The following FXYD6 variants were observed in gnomAD, a reference collection of about 807,000 sequenced individuals.
FXYD6 encodes the protein FXYD domain-containing ion transport regulator 6.
FXYD6 carries 7 observed loss-of-function variants against 16.7 expected under a neutral mutation model. The ratio of observed to expected loss-of-function variants is 0.42; its 90% CI spans 0.24 to 0.79. FXYD6 has a LOEUF of 0.79. FXYD6 is among the 30% of genes least tolerant of loss of function. The probability of loss-of-function intolerance (pLI) is 0.28; values close to 1 mark genes in which losing one functional copy is unlikely to be tolerated. For synonymous variants in FXYD6, 49 were observed against 43.0 expected, an observed-to-expected ratio of 1.14 and a Z score of -0.54; for missense variants, 111 against 116.2, an observed-to-expected ratio of 0.95 and a Z score of 0.21.
intron 1 of FXYD6, among the ~76,000 whole-genome samples, chr11:117,864,679 G>T (rs1013480544): frequency 1.3e-5 from 2 of 151,948 alleles, no homozygotes; most frequent in African/African-American, 4.8e-5. Flanking sequence ...CTCCACCTCC[G>T]GGGTTCAAGC....
chr11:117,859,145 T>C (rs1381199178), intron 1 of FXYD6, among the ~76,000 whole-genome samples: 1 of 152,170 alleles, frequency 6.6e-6, no homozygotes, highest in East Asian at 1.9e-4. Flanking sequence ...GGCTATGAGA[T>C]ACATCTCCTG....
Position 117,872,035 on chromosome 11 carries a change from T to C in FXYD6, c.-6+4557A>G, listed in dbSNP as rs983990699. Among the ~76,000 whole-genome samples, 5 of 152,002 alleles carry C rather than the reference T, an allele frequency of 3.3e-5. No homozygotes were observed. The highest frequency in any genetic ancestry group is 5.9e-5 in the Non-Finnish European group (4 of 68,004). ...CTGGAGTGCCTACACCATGTACCTG[T>C]GCTTATTAATAGGCACTGGTGAGCC... On this transcript the variant is annotated intron_variant, in intron 1 of 7. Transcript: ENST00000526014. The surrounding 1 kb of genome is among the most constrained non-coding windows in gnomAD (Gnocchi z 4.9).
Position 117,842,761 on chromosome 11 carries a change from C to T in FXYD6, c.16G>A (p.Val6Ile), listed in dbSNP as rs754510869. 1.9e-6 allele frequency: 3 copies of T among 1,568,164 alleles called. No individual in the cohort carries two copies. The highest frequency in any genetic ancestry group is 8.7e-7 in the Non-Finnish European group (1 of 1,155,962). MELVL[V>I]FLCSLLAPMV... ...GGGGCCAGCAGGCTGCAGAGGAAGACCAGCACCAACTCCATGGCGTCTGGG... is the reference window on the plus strand; with the variant it reads ...GGGGCCAGCAGGCTGCAGAGGAAGATCAGCACCAACTCCATGGCGTCTGGG... The change falls in exon 2 of 8, where the codon GTC (valine) becomes ATC (isoleucine). Residue 6 changes from valine (V) to isoleucine (I), a missense_variant. Val to Ile is a conservative substitution (Grantham distance 29). Transcript: ENST00000526014.
intron 1 of FXYD6, among the ~76,000 whole-genome samples, chr11:117,858,674 TC>T (rs2056807975): frequency 1.1e-5 from 1 of 87,016 alleles, no homozygotes; most frequent in African/African-American, 5.2e-5. Flanking sequence ...TTTCTTTCTT[TC>T]TTTCTTTCTT....
At chr11:117,840,256 G>A (rs562662705) in intron 6 of FXYD6, 63 bp downstream of exon 6, 2 of 1,609,068 alleles carry the variant, frequency 1.2e-6, no homozygotes, top group African/African-American at 1.3e-5. Flanking sequence ...GTCCCTTCCT[G>A]AGCCACAGAG....
chr11:117,858,766 TTCCTTCCTTCC>T (rs879652160), intron 1 of FXYD6, among the ~76,000 whole-genome samples: 3,599 of 139,430 alleles, frequency 0.026, 345 homozygotes, highest in East Asian at 0.039. Context: ...CCTTCCTTCC[TTCCTTCCTTCC>T]TTCTTTCTTT....
At chr11:117,875,380 C>T (rs1249244277) in intron 1 of FXYD6, among the ~76,000 whole-genome samples, 9 of 151,834 alleles carry the variant, frequency 5.9e-5, no homozygotes, top group Admixed American at 5.9e-4. Context: ...ATATCTAGGT[C>T]TCCTAGCCAG....
At chr11:117,875,797 C>G (rs764084021) in intron 1 of FXYD6, among the ~76,000 whole-genome samples, 34 of 152,186 alleles carry the variant, frequency 2.2e-4, no homozygotes, top group Non-Finnish European at 3.7e-4. Flanking sequence ...AGGCTGCTCC[C>G]AGCTCCCACC....
chr11:117,862,638 G>A (rs924554734), intron 1 of FXYD6, among the ~76,000 whole-genome samples: 2 of 152,164 alleles, frequency 1.3e-5, no homozygotes, highest in African/African-American at 4.8e-5. Context: ...CTTCACCAAG[G>A]TCATTCAAGG....
chr11:117,847,799 A>G (rs772576547), intron 1 of FXYD6, among the ~76,000 whole-genome samples: 1 of 152,104 alleles, frequency 6.6e-6, no homozygotes, highest in Non-Finnish European at 1.5e-5. Context: ...AGACTTTGCT[A>G]TTGTGAATAG....
At chr11:117,856,137 AAG>A (rs746881029) in intron 1 of FXYD6, among the ~76,000 whole-genome samples, 6 of 152,098 alleles carry the variant, frequency 3.9e-5, no homozygotes, top group Admixed American at 1.3e-4. Context: ...AAGCAATCAG[AAG>A]AGTTTCTCCG....
intron 1 of FXYD6, among the ~76,000 whole-genome samples, chr11:117,869,390 G>A (rs889952220): frequency 3.3e-5 from 5 of 152,230 alleles, no homozygotes; most frequent in African/African-American, 1.2e-4. Context: ...TCCCTCTCCT[G>A]TCAGGCGCCT....
At chr11:117,875,322 A>G (rs1243642991) in intron 1 of FXYD6, among the ~76,000 whole-genome samples, 1 of 151,806 alleles carries the variant, frequency 6.6e-6, no homozygotes, top group Non-Finnish European at 1.5e-5. Context: ...GTGTGTGTGA[A>G]GTGGGTGGTG....
intron 1 of FXYD6, among the ~76,000 whole-genome samples, chr11:117,860,725 G>A (rs551475872): frequency 3.3e-5 from 5 of 152,346 alleles, no homozygotes; most frequent in East Asian, 3.8e-4. Flanking sequence ...GAGATAATAG[G>A]TGTGAAGGTT....
At chr11:117,841,054 C>T in intron 5 of FXYD6, 94 bp downstream of exon 5, 1 of 1,522,858 alleles carries the variant, frequency 6.6e-7, no homozygotes, top group Non-Finnish European at 9.0e-7. Context: ...AGACAAGAAT[C>T]CAAGAGAATG....
chr11:117,838,619 G>C (rs2056255022), intron 7 of FXYD6: 1 of 283,862 alleles, frequency 3.5e-6, no homozygotes, highest in African/African-American at 2.1e-5. Context: ...TGCCTCCTCT[G>C]AGCCTTCCCA....
In FXYD6 at chr11:117,841,141, T is replaced by A. The variant is rs376254332; in HGVS notation, c.209+7A>T. ...CCCCCCCAAGGCCACTGCCACGGCATCCTTACCGGGGCTTCTGATTGAAAC... is the reference window on the plus strand; with the variant it reads ...CCCCCCCAAGGCCACTGCCACGGCAACCTTACCGGGGCTTCTGATTGAAAC... On this transcript the variant is annotated splice_region_variant and intron_variant, in intron 5 of 7. Transcript: ENST00000526014. 1.9e-6 allele frequency: 3 copies of A among 1,613,830 alleles called. No individual in the cohort carries two copies. The African/African-American group carries it at 4.0e-5, about 22-fold the overall frequency.
At chr11:117,865,717 A>G (rs1357319089) in intron 1 of FXYD6, among the ~76,000 whole-genome samples, 2 of 152,084 alleles carry the variant, frequency 1.3e-5, no homozygotes, top group Non-Finnish European at 2.9e-5. Context: ...CCTGAGGTCA[A>G]GAGTTCGAGA....
At chr11:117,858,926 C>A (rs113032044) in intron 1 of FXYD6, among the ~76,000 whole-genome samples, 59 of 152,074 alleles carry the variant, frequency 3.9e-4, no homozygotes, top group African/African-American at 1.4e-3. Context: ...CAGGTGCGAA[C>A]CACCACACCC....
Sources: gnomAD v4.1 joint callset for allele counts (sites outside exome capture counted in the v4.1 genomes callset) on GRCh38, gnomAD v4.1.1 for gene constraint, Gnocchi (gnomAD v3.1) non-coding constraint, MANE v1.5 for transcripts, NCBI Gene and HGNC (gene_info 2026-07-23, HGNC 2026-07-21) for gene names.